Variants in NOX5 observed in about 807,000 individuals in gnomAD.
The protein encoded by NOX5 is NADPH oxidase, EF-hand calcium binding domain 5.
Under a neutral mutation model 85.7 loss-of-function variants are expected in NOX5, and 76 were observed. That is an observed-to-expected ratio of 0.89 (90% CI 0.74 to 1.07). NOX5 has a LOEUF of 1.07. NOX5 is among the 50% of genes least tolerant of loss of function. The pLI is 0.00. For synonymous variants in NOX5, 405 were observed against 401.4 expected, an observed-to-expected ratio of 1.01 and a Z score of -0.11; for missense variants, 973 against 999.5, an observed-to-expected ratio of 0.97 and a Z score of 0.36.
chr15:69,019,691 C>T (rs568613248), intron 1 of NOX5, among the ~76,000 whole-genome samples: 49 of 152,330 alleles, frequency 3.2e-4, no homozygotes, highest in African/African-American at 9.9e-4. Context: ...AATCAATTCA[C>T]ACCTATTATA....
chr15:69,040,309 C>G (rs2050577624), intron 9 of NOX5, among the ~76,000 whole-genome samples: 2 of 152,224 alleles, frequency 1.3e-5, no homozygotes, highest in African/African-American at 4.8e-5. Context: ...AGAACTCAGA[C>G]AATATCAAAA....
chr15:69,036,252 A>G (rs916347110), intron 7 of NOX5, among the ~76,000 whole-genome samples: 2 of 152,110 alleles, frequency 1.3e-5, no homozygotes, highest in African/African-American at 2.4e-5. Context: ...TCCCCACTCC[A>G]CTGCTTACTG....
intron 13 of NOX5, 98 bp downstream of exon 13, chr15:69,048,009 G>A (rs968436216): frequency 9.7e-7 from 1 of 1,026,332 alleles, no homozygotes. Context: ...GGAGCGGATA[G>A]GTGATCCCTA....
intron 5 of NOX5, among the ~76,000 whole-genome samples, chr15:69,035,021 C>T (rs959348262): frequency 3.3e-5 from 5 of 152,178 alleles, no homozygotes; most frequent in African/African-American, 1.2e-4. Context: ...CTGTCTCAGC[C>T]TTCCAAAGTG....
Position 69,017,887 on chromosome 15 carries a change from C to T in NOX5, c.50+3102C>T, listed in dbSNP as rs116723188. 5.7e-3 allele frequency among the ~76,000 whole-genome samples: 865 copies of T among 152,080 alleles called. 10 individuals carry two copies. Among genetic ancestry groups the T allele is most frequent in the African/African-American group, 0.02 (816 of 41,478 alleles). On this transcript the variant is annotated intron_variant, in intron 1 of 15. Transcript: ENST00000388866. ...AGAAACAGAGGTCAAATAACTGGCA[C>T]AGGATCACCCAGCAGGCACGAGGCA...
intron 1 of NOX5, among the ~76,000 whole-genome samples, chr15:69,024,876 GT>G (rs1309564571): frequency 1.3e-5 from 2 of 151,794 alleles, no homozygotes; most frequent in Non-Finnish European, 2.9e-5. Flanking sequence ...ACTTTTTTTG[GT>G]TTTCTAATAC....
In NOX5 at chr15:69,059,392, CA is replaced by C. The variant is rs1246524959; in HGVS notation, c.*2700del. 6.6e-6 allele frequency: 1 copy of C among 152,176 alleles called. No individual in the cohort carries two copies. The highest frequency in any genetic ancestry group is 1.9e-4 in the East Asian group (1 of 5,196). The allele number at this position is 152,176 out of a possible 1,614,324, so 9.4% of individuals were successfully genotyped here. A position where few individuals can be genotyped will look rare whatever the true frequency, so the allele number is the denominator to read the frequency against. On this transcript the variant is annotated 3_prime_UTR_variant, in exon 16 of 16. Coordinates refer to ENST00000388866, the MANE Select transcript of NOX5 (RefSeq NM_024505.4). ...CTGTTCCAAAGCTCCCCACTAGAGG[CA>C]AAACCTCCAGGCTCCATCTCTGTGA...
chr15:69,055,285 C>A lies in NOX5; in HGVS notation c.2000-49C>A, dbSNP rs371244435. On this transcript the variant is annotated intron_variant, in intron 14 of 15. Coordinates refer to ENST00000388866, the MANE Select transcript of NOX5 (RefSeq NM_024505.4). ...AGTGGTTGGCATCCTGCCCTGCGCC[C>A]ATGATGGGTACTAGACCCTCAGTGC... 118 of 1,583,184 alleles carry A rather than the reference C, an allele frequency of 7.5e-5. 1 individual carries two copies. In the Middle Eastern group the frequency reaches 5.4e-3, roughly 72 times the overall value.
chr15:69,035,382 G>C lies in NOX5; in HGVS notation c.884G>C (p.Trp295Ser). 6.2e-7 allele frequency: 1 copy of C among 1,614,190 alleles called. No individual in the cohort carries two copies. Among genetic ancestry groups the C allele is most frequent in the Non-Finnish European group, 8.5e-7 (1 of 1,180,030 alleles). Residue 295 changes from tryptophan (W) to serine (S), a missense_variant, in exon 6 of 16, where the codon TGG (tryptophan) becomes TCG (serine). Coordinates refer to ENST00000388866, the MANE Select transcript of NOX5 (RefSeq NM_024505.4). Reference protein sequence around the residue: ...AVLMLRRCLTWLRATWLAQVL... With the variant: ...AVLMLRRCLTSLRATWLAQVL... ...CTGATGCTCAGACGCTGCCTCACCTGGCTGCGGGCCACGTGGCTGGCTCAA... is the reference window on the plus strand; with the variant it reads ...CTGATGCTCAGACGCTGCCTCACCTCGCTGCGGGCCACGTGGCTGGCTCAA...
At chr15:69,048,929 G>C (rs780931408) in intron 13 of NOX5, 30 bp from the exon 14 acceptor site, 4 of 1,557,652 alleles carry the variant, frequency 2.6e-6, no homozygotes, top group South Asian at 1.2e-5. Context: ...GGGAGACCCA[G>C]CCTCTGAGCT....
intron 14 of NOX5, among the ~76,000 whole-genome samples, chr15:69,055,013 C>T (rs553951496): frequency 1.1e-4 from 16 of 152,286 alleles, no homozygotes; most frequent in African/African-American, 3.4e-4. Flanking sequence ...TGCTTGAGTT[C>T]AAGACCAGCC....
chr15:69,056,465 G>GCCGAC, intron 15 of NOX5, 100 bp from the exon 16 acceptor site: 1 of 1,481,202 alleles, frequency 6.8e-7, no homozygotes, highest in Non-Finnish European at 9.1e-7. Context: ...GCTCATTGCT[G>GCCGAC]CCGACCCGTT....
chr15:69,039,638 C>T (rs1040173536), intron 9 of NOX5, among the ~76,000 whole-genome samples: 4 of 152,178 alleles, frequency 2.6e-5, no homozygotes, highest in Non-Finnish European at 5.9e-5. Flanking sequence ...GGAGACCAGG[C>T]TTCCCTACTC....
intron 12 of NOX5, 89 bp from the exon 13 acceptor site, chr15:69,047,741 A>T (rs2050693652): frequency 1.4e-6 from 2 of 1,446,358 alleles, no homozygotes; most frequent in East Asian, 4.6e-5. Context: ...CTGCCACCCC[A>T]TCCTTGCTCC....
chr15:69,037,295 G>A, intron 8 of NOX5, 85 bp downstream of exon 8: 1 of 1,300,592 alleles, frequency 7.7e-7, no homozygotes, highest in South Asian at 1.4e-5. Context: ...TACCCTGTCA[G>A]ACCCCCAAGG....
intron 14 of NOX5, among the ~76,000 whole-genome samples, chr15:69,053,056 G>A (rs1379573712): frequency 1.3e-5 from 2 of 152,102 alleles, no homozygotes; most frequent in Non-Finnish European, 2.9e-5. Flanking sequence ...ATTTCTTTCA[G>A]GGTTTCTCAT....
Position 69,047,463 on chromosome 15 carries a change from T to C in NOX5, c.1743T>C (p.Ser581=), listed in dbSNP as rs770703136. 1 of 1,614,020 alleles carries C rather than the reference T, an allele frequency of 6.2e-7. No homozygotes were observed. The highest frequency in any genetic ancestry group is 8.5e-7 in the Non-Finnish European group (1 of 1,179,976). Residue 581 remains serine (S), a synonymous_variant, in exon 12 of 16, where the codon TCT becomes TCC. Coordinates refer to ENST00000388866, the MANE Select transcript of NOX5 (RefSeq NM_024505.4). ...YGTPTRRIFA[S]EHAVLIGAGI... is the part of the protein sequence containing the mutation. ...CCCCCACCCGCAGGATCTTTGCCTC[T>C]GAGCATGCCGTGCTCATCGGGGCAG...
Position 69,031,663 on chromosome 15 carries a change from C to G in NOX5, c.471C>G (p.Ser157Arg), listed in dbSNP as rs746306193. ...RTVLQSCLRE[S>R]AISLPDEKLD... is the part of the protein sequence containing the mutation. ...TGCTGCAGTCGTGTCTGCGCGAGAG[C>G]GCCATCTCGCTGCCTGACGAGAAGC... Residue 157 changes from serine to arginine, a missense_variant, in exon 4 of 16, where the codon AGC becomes AGG. Transcript: ENST00000388866. The G allele has an allele frequency of 1.9e-6, 3 of 1,613,292 alleles. No individual in the cohort carries two copies. The highest frequency in any genetic ancestry group is 1.7e-5 in the Admixed American group (1 of 60,004).
At chr15:69,028,126 C>T in intron 2 of NOX5, 89 bp from the exon 3 acceptor site, 1 of 1,421,082 alleles carries the variant, frequency 7.0e-7, no homozygotes. Flanking sequence ...CCCCCCACCA[C>T]CACCCCAGAC....
Sources: gnomAD v4.1 joint callset for allele counts (sites outside exome capture counted in the v4.1 genomes callset) on GRCh38, gnomAD v4.1.1 for gene constraint, MANE v1.5 for transcripts, NCBI Gene and HGNC (gene_info 2026-07-23, HGNC 2026-07-21) for gene names.